The following LSM14A variants were observed in gnomAD, a reference collection of about 807,000 sequenced individuals.
LSM14A encodes LSM14A mRNA processing body assembly factor, also known as protein LSM14 homolog A.
LSM14A carries 14 observed loss-of-function variants against 52.4 expected under a neutral mutation model. That is an observed-to-expected ratio of 0.27 (90% CI 0.18 to 0.42). The LOEUF (loss-of-function observed/expected upper bound fraction) is 0.42. Among genes scored for constraint, LSM14A ranks in the 10% least tolerant of loss-of-function variants. The pLI is 1.00. For synonymous variants in LSM14A, 185 were observed against 200.3 expected (o/e 0.92, Z 0.64); for missense variants, 417 against 581.8 (o/e 0.72, Z 2.91).
chr19:34,209,000 G>C lies in LSM14A; in HGVS notation c.487G>C (p.Gly163Arg). 5 of 1,611,642 alleles carry C rather than the reference G, an allele frequency of 3.1e-6. No individual in the cohort carries two copies. Among genetic ancestry groups the C allele is most frequent in the Non-Finnish European group, 3.4e-6 (4 of 1,178,368 alleles). The change falls in exon 4 of 10, where the codon GGT becomes CGT. Residue 163 changes from glycine to arginine, a missense_variant. This residue lies in a region of LSM14A where 357 missense variants were observed against 457.0 expected (regional missense o/e 0.78). Transcript: ENST00000544216. The part of the protein sequence containing the change: ...SGTLPQSSAV[G>R]SAFTQDTRSL... Reference sequence around the variant, plus strand: ...TACCTTACCCCAAAGTAGTGCGGTTGGTTCTGCCTTTACACAGGATACAAG... The same window carrying C: ...TACCTTACCCCAAAGTAGTGCGGTTCGTTCTGCCTTTACACAGGATACAAG...
chr19:34,192,319 G>GTTGTTTTTTTTT (rs60512063), intron 1 of LSM14A, among the ~76,000 whole-genome samples: 4 of 53,406 alleles, frequency 7.5e-5, no homozygotes, highest in African/African-American at 3.2e-4. Context: ...TCTTTTTGTT[G>GTTGTTTTTTTTT]TTTTTTTTTT....
rs1306000214 is a variant in LSM14A, at chr19:34,192,316, G to GTTTTTTTTTTTTTTTTTTT, written c.122-2160_122-2159insTTTTTTTTTTTTTTTTTTT. On this transcript the variant is annotated intron_variant, in intron 1 of 9. Coordinates refer to ENST00000544216, the MANE Select transcript of LSM14A (RefSeq NM_015578.4). Reference sequence around the variant, plus strand: ...TTTACACTGAAATAACATTCTTTTTGTTGTTTTTTTTTTTTTTTTTTTTTT... The same window carrying GTTTTTTTTTTTTTTTTTTT: ...TTTACACTGAAATAACATTCTTTTTGTTTTTTTTTTTTTTTTTTTTTGTTTTTTTTTTTTTTTTTTTTTT... Among the ~76,000 whole-genome samples, 35 of 65,768 alleles carry GTTTTTTTTTTTTTTTTTTT rather than the reference G, an allele frequency of 5.3e-4. 2 individuals carry two copies. Among genetic ancestry groups the GTTTTTTTTTTTTTTTTTTT allele is most frequent in the Non-Finnish European group, 7.8e-4 (27 of 34,542 alleles). The allele number at this position is 65,768 out of a possible 152,430, so 43.1% of individuals were successfully genotyped here. A position where few individuals can be genotyped will look rare whatever the true frequency, so the allele number is the denominator to read the frequency against.
intron 9 of LSM14A, among the ~76,000 whole-genome samples, chr19:34,226,661 G>A (rs917413045): frequency 1.2e-4 from 18 of 152,176 alleles, no homozygotes; most frequent in Non-Finnish European, 1.5e-5. Flanking sequence ...AACAGTTGGG[G>A]TGAGAATCAG....
chr19:34,190,733 T>C (rs900090600), intron 1 of LSM14A, among the ~76,000 whole-genome samples: 5 of 152,172 alleles, frequency 3.3e-5, no homozygotes, highest in African/African-American at 1.2e-4. Context: ...CCAGAACTAT[T>C]TCTATTCTAG....
rs1281304882 is a variant in LSM14A, at chr19:34,196,738, G to C, written c.390G>C (p.Gly130=). The C allele has an allele frequency of 1.2e-6, 2 of 1,610,836 alleles. No individual in the cohort carries two copies. The highest frequency in any genetic ancestry group is 3.4e-5 in the Admixed American group (2 of 59,392). The change falls in exon 3 of 10, where the codon GGG becomes GGC. Residue 130 remains glycine, a synonymous_variant. Transcript: ENST00000544216. ...AGTTCAGTCCGAGTTCCTTAGTTGG[G>C]CAGCAGTTTGGTGCTGTTGGTGTTG... ...YSQFSPSSLV[G]QQFGAVGVAG... is the part of the protein sequence containing the mutation.
chr19:34,199,884 A>G (rs1402353509), intron 3 of LSM14A, among the ~76,000 whole-genome samples: 1 of 152,240 alleles, frequency 6.6e-6, no homozygotes, highest in African/African-American at 2.4e-5. Flanking sequence ...TGCTGAAGTC[A>G]TTGGGTGAAA....
At chr19:34,214,292 C>CTTTATTTATTTATTTA (rs61278191) in intron 4 of LSM14A, among the ~76,000 whole-genome samples, 1 of 148,386 alleles carries the variant, frequency 6.7e-6, no homozygotes, top group African/African-American at 2.5e-5. Context: ...AGTTCTTTTA[C>CTTTATTTATTTATTTA]TTTATTTATT....
chr19:34,223,527 CCCAG>C (rs1319951552), intron 9 of LSM14A, among the ~76,000 whole-genome samples: 1 of 152,238 alleles, frequency 6.6e-6, no homozygotes, highest in Non-Finnish European at 1.5e-5. Flanking sequence ...TCTGCCTCCT[CCCAG>C]TGTTCCATGT....
At chr19:34,188,949 C>G (rs376505167) in intron 1 of LSM14A, among the ~76,000 whole-genome samples, 1 of 152,042 alleles carries the variant, frequency 6.6e-6, no homozygotes, top group Non-Finnish European at 1.5e-5. Flanking sequence ...CATTTGTATA[C>G]AAGTTTCTGT....
rs371604422 is a variant in LSM14A, at chr19:34,211,722, G to A, written c.538+2671G>A. Reference sequence around the variant, plus strand: ...GAGGATCACTTGAGCCCAGGAGGCCGAGGCTGCAGTGAGCCCTAACTGCAC... The same window carrying A: ...GAGGATCACTTGAGCCCAGGAGGCCAAGGCTGCAGTGAGCCCTAACTGCAC... On this transcript the variant is annotated intron_variant, in intron 4 of 9. Coordinates refer to ENST00000544216, the MANE Select transcript of LSM14A (RefSeq NM_015578.4). Among the ~76,000 whole-genome samples, 8 of 150,790 alleles carry A rather than the reference G, an allele frequency of 5.3e-5. No homozygotes were observed. In the East Asian group the frequency reaches 1.2e-3, roughly 22 times the overall value.
intron 9 of LSM14A, among the ~76,000 whole-genome samples, chr19:34,224,445 A>G (rs939693774): frequency 6.6e-6 from 1 of 152,226 alleles, no homozygotes; most frequent in Non-Finnish European, 1.5e-5. Context: ...AGCCTTTTGT[A>G]AAACTCGTAT....
chr19:34,185,503 G>A (rs1201624525), intron 1 of LSM14A, among the ~76,000 whole-genome samples: 2 of 152,182 alleles, frequency 1.3e-5, no homozygotes, highest in Admixed American at 1.3e-4. Context: ...GTTTGTGGAA[G>A]CAGGCCGTGA....
chr19:34,217,619 GTT>G (rs34613927), intron 6 of LSM14A, among the ~76,000 whole-genome samples: 66 of 13,730 alleles, frequency 4.8e-3, no homozygotes, highest in Non-Finnish European at 6.7e-3. Flanking sequence ...CCCCCCCCGT[GTT>G]TTTTTTTTTT....
At chr19:34,182,039 T>C (rs1273387931) in intron 1 of LSM14A, among the ~76,000 whole-genome samples, 1 of 152,184 alleles carries the variant, frequency 6.6e-6, no homozygotes, top group African/African-American at 2.4e-5. Flanking sequence ...CTATCAGCTC[T>C]GCTTTCAAAC....
rs1269930518 is a variant in LSM14A at position 34,215,648 on chromosome 19, CAA to C, written c.769_770del (p.Lys257GlufsTer36). The part of the protein sequence containing the change: ...PENEQLRNDN[K>X]RQVAPGAPSA... Reference sequence around the variant, plus strand: ...AAAATGAGCAACTCAGAAATGATAACAAGAGACAAGTAGGTAAGTTCTTGGAT... The same window carrying C: ...AAAATGAGCAACTCAGAAATGATAACGAGACAAGTAGGTAAGTTCTTGGAT... On this transcript the variant is annotated frameshift_variant, in exon 6 of 10. Coordinates refer to ENST00000544216, the MANE Select transcript of LSM14A (RefSeq NM_015578.4). LOFTEE classifies it high-confidence loss of function. The C allele has an allele frequency of 6.2e-7, 1 of 1,611,608 alleles. No individual in the cohort carries two copies. The highest frequency in any genetic ancestry group is 8.5e-7 in the Non-Finnish European group (1 of 1,177,912).
At chr19:34,220,864 T>C (rs2073011881) in intron 8 of LSM14A, among the ~76,000 whole-genome samples, 1 of 152,096 alleles carries the variant, frequency 6.6e-6, no homozygotes, top group African/African-American at 2.4e-5. Flanking sequence ...CCTGTCTGAC[T>C]TTACCTTCTT....
intron 1 of LSM14A, among the ~76,000 whole-genome samples, chr19:34,173,422 C>T (rs1269700594): frequency 6.6e-6 from 1 of 152,140 alleles, no homozygotes; most frequent in Non-Finnish European, 1.5e-5. Context: ...GCCCCGACGC[C>T]CCTGTTTCTG....
At chr19:34,223,713 G>GT (rs2145898949) in intron 9 of LSM14A, among the ~76,000 whole-genome samples, 1 of 152,316 alleles carries the variant, frequency 6.6e-6, no homozygotes, top group African/African-American at 2.4e-5. Flanking sequence ...TGAACAACCT[G>GT]TGACAACTCC....
intron 1 of LSM14A, among the ~76,000 whole-genome samples, chr19:34,178,778 C>T (rs1568470470): frequency 6.6e-6 from 1 of 152,288 alleles, no homozygotes; most frequent in East Asian, 1.9e-4. Context: ...TCCTGCCTCA[C>T]ATTAAGAAAT....
Sources: allele counts gnomAD v4.1 joint callset (sites outside exome capture counted in the v4.1 genomes callset), GRCh38; gene constraint gnomAD v4.1.1; regional missense constraint gnomAD v4.1.1; transcripts MANE v1.5; gene names NCBI Gene and HGNC (gene_info 2026-07-23, HGNC 2026-07-21).